NFKBID: variants seen among roughly 807,000 people sequenced by gnomAD.
NFKBID encodes NF-kappa-B inhibitor delta.
In NFKBID, 26 loss-of-function variants were observed where a neutral mutation model predicts 53.4. The observed-to-expected ratio is 0.49, with a 90% CI of 0.36 to 0.68. The LOEUF (loss-of-function observed/expected upper bound fraction) is 0.68. Among genes scored for constraint, NFKBID ranks in the 30% least tolerant of loss-of-function variants. The pLI, the probability that NFKBID is intolerant of heterozygous loss-of-function variation, is 0.00. For missense variants in NFKBID, 493 were observed against 614.1 expected (o/e 0.80, Z 2.08); for synonymous variants, 262 against 259.8 (o/e 1.01, Z -0.08).
rs1275549638 is a variant in NFKBID, at chr19:35,898,825, G to A, written c.62-3C>T. The A allele has an allele frequency of 6.5e-7, 1 of 1,535,084 alleles. No homozygotes were observed. Among genetic ancestry groups the A allele is most frequent in the South Asian group, 1.2e-5 (1 of 84,036 alleles). On this transcript the variant is annotated splice_polypyrimidine_tract_variant and splice_region_variant and intron_variant, in intron 1 of 11. Transcript: ENST00000641389. ...GTGGCTGCGCTCACCCCTGCTCACTGTGCGGGAGAGGAGAGGGGGAAGTCA... is the reference window on the plus strand; with the variant it reads ...GTGGCTGCGCTCACCCCTGCTCACTATGCGGGAGAGGAGAGGGGGAAGTCA...
chr19:35,894,300 A>C lies in NFKBID; in HGVS notation c.1032+1680T>G, dbSNP rs896768107. On this transcript the variant is annotated intron_variant, in intron 9 of 11. Transcript: ENST00000641389. ...TTTTTTGTGGATGTTTAATTCTCTC[A>C]GCCAGCCTATGAAGGAGCTACTGTC... Among the ~76,000 whole-genome samples the C allele has an allele frequency of 5.3e-5, 8 of 152,042 alleles. 2 individuals are homozygous for C. The South Asian group carries it at 1.5e-3, about 28-fold the overall frequency.
chr19:35,890,419 C>T, exon 10 of NFKBID: 1 of 1,614,036 alleles, frequency 6.2e-7, no homozygotes, highest in Non-Finnish European at 8.5e-7. Context: ...GCAGCTCCAG[C>T]AGCAGCTGAA....
At position 35,896,660 on chromosome 19, in the gene NFKBID, C is replaced by T; in HGVS notation, c.684+66G>A. 1 of 1,493,286 alleles carries T rather than the reference C, an allele frequency of 6.7e-7. No individual in the cohort carries two copies. The highest frequency in any genetic ancestry group is 1.8e-5 in the Admixed American group (1 of 56,354). The allele number at this position is 1,493,286 out of a possible 1,614,324, so 92.5% of individuals were successfully genotyped here. On this transcript the variant is annotated intron_variant, in intron 6 of 11. Coordinates refer to ENST00000641389, the Ensembl canonical transcript of NFKBID. The surrounding 1 kb of genome is among the most constrained non-coding windows in gnomAD (Gnocchi z 5.7). ...CCCCCATTCCCCTCTTCTCTAGGAT[C>T]CAGGGGTCCAGGCCCCAGGCTCCTT... is the stretch of plus-strand genomic sequence containing the variant.
At position 35,898,766 on chromosome 19, in the gene NFKBID, C is replaced by T. The variant is rs1272660333; in HGVS notation, c.118G>A (p.Glu40Lys). The change falls in exon 2 of 12, where the codon GAG becomes AAG. Residue 40 changes from glutamate (E) to lysine (K), a missense_variant. Transcript: ENST00000641389. ...TGCTGCTGCTGGCGGCGCCTCTGCT[C>T]TTCCAGAAGCTTCTTCACGGTTTGC... The T allele has an allele frequency of 5.9e-6, 9 of 1,536,012 alleles. No individual in the cohort carries two copies. In the Admixed American group the frequency reaches 1.4e-4, roughly 23 times the overall value.
At chr19:35,889,908 G>A (rs534268900) in exon 11 of NFKBID, 63 of 1,609,672 alleles carry the variant, frequency 3.9e-5, no homozygotes, top group South Asian at 3.3e-4. Context: ...GGCCCGGCCC[G>A]GGCCGCAGCA....
In NFKBID at chr19:35,896,457, C is replaced by T. The variant is rs370828093; in HGVS notation, c.766G>A (p.Ala256Thr). 1.1e-5 allele frequency: 18 copies of T among 1,614,006 alleles called. No individual in the cohort carries two copies. The highest frequency in any genetic ancestry group is 5.0e-5 in the Admixed American group (3 of 60,000). The stretch of plus-strand genomic sequence containing the variant: ...AAGACCGAACGTCCCTGATGGTCAG[C>T]GGCATTGGGCTCTGCTCCCAGGTTC... Residue 256 changes from alanine (A) to threonine (T), a missense_variant, in exon 7 of 12, where the codon GCT becomes ACT. Physicochemically the swap from Ala to Thr is moderately conservative, Grantham distance 58. Transcript: ENST00000641389. The surrounding 1 kb of genome is among the most constrained non-coding windows in gnomAD (Gnocchi z 5.7).
rs761068161 is a variant in NFKBID at position 35,897,082 on chromosome 19, A to G, written c.433-24T>C. On this transcript the variant is annotated intron_variant, in intron 4 of 11. Transcript: ENST00000641389. Reference sequence around the variant, plus strand: ...GCCTGTGGCAGAGAAGATCCTACATAGAACTGGGTGTCTGGGGGGTCCTGG... The same window carrying G: ...GCCTGTGGCAGAGAAGATCCTACATGGAACTGGGTGTCTGGGGGGTCCTGG... 1.5e-5 allele frequency: 24 copies of G among 1,588,904 alleles called. No individual in the cohort carries two copies. The South Asian group carries it at 2.6e-4, about 17-fold the overall frequency.
chr19:35,900,625 G>T lies in NFKBID; in HGVS notation c.-123C>A, dbSNP rs539716677. The T allele has an allele frequency of 1.2e-5, 15 of 1,229,502 alleles. No homozygotes were observed. The African/African-American group carries it at 2.0e-4, about 17-fold the overall frequency. The allele number at this position is 1,229,502 out of a possible 1,614,324, so 76.2% of individuals were successfully genotyped here. A position where few individuals can be genotyped will look rare whatever the true frequency, so the allele number is the denominator to read the frequency against. ...GGGCAGGGCCCGCCCACAGGCCTGG[G>T]AGTCCCCGGGTCGCGCTCCGGCGAA... On this transcript the variant is annotated 5_prime_UTR_variant, in exon 1 of 12. Transcript: ENST00000641389.
At chr19:35,893,893 T>G (rs1215667278) in intron 9 of NFKBID, among the ~76,000 whole-genome samples, 2 of 152,006 alleles carry the variant, frequency 1.3e-5, no homozygotes. Context: ...TGGTTATTGA[T>G]GTTGGACATA....
intron 4 of NFKBID, 71 bp from the exon 5 acceptor site, chr19:35,897,129 C>T (rs1421134061): frequency 6.6e-7 from 1 of 1,511,236 alleles, no homozygotes; most frequent in Admixed American, 2.3e-5. Context: ...GGTGGGGAGA[C>T]CCAGTCAGCT....
chr19:35,890,267 T>A, intron 10 of NFKBID, 107 bp downstream of exon 10: 1 of 890,208 alleles, frequency 1.1e-6, no homozygotes, highest in South Asian at 1.5e-5. Flanking sequence ...CCCCTGCAGA[T>A]CCCACACATC....
chr19:35,891,200 C>T (rs1734036638), intron 9 of NFKBID, among the ~76,000 whole-genome samples: 4 of 152,198 alleles, frequency 2.6e-5, no homozygotes. Flanking sequence ...TGCAATACTG[C>T]ACCACAATAT....
At chr19:35,900,134 T>C (rs10402798) in intron 1 of NFKBID, among the ~76,000 whole-genome samples, 137,254 of 137,256 alleles carry the variant, frequency 1, 68,626 homozygotes, top group Middle Eastern at 1. Context: ...GGAGTCTCGG[T>C]TGCCAGCAAC....
exon 12 of NFKBID, chr19:35,888,384 C>G: frequency 1.7e-6 from 1 of 588,846 alleles, no homozygotes; most frequent in South Asian, 2.0e-5. Context: ...GGTATCACAG[C>G]ACCCCAAATA....
chr19:35,890,179 G>T, intron 10 of NFKBID, 125 bp from the exon 11 acceptor site: 2 of 1,038,536 alleles, frequency 1.9e-6, no homozygotes, highest in African/African-American at 1.6e-5. Flanking sequence ...ACCTCCCCCG[G>T]CCACAGCCAC....
chr19:35,900,736 C>T, upstream of NFKBID: 3 of 923,138 alleles, frequency 3.2e-6, no homozygotes, highest in African/African-American at 1.7e-5. Flanking sequence ...CAGATCTTTG[C>T]TCTGAAGGAG....
chr19:35,898,476 C>T, exon 3 of NFKBID: 1 of 1,533,674 alleles, frequency 6.5e-7, no homozygotes, highest in Non-Finnish European at 8.7e-7. Flanking sequence ...ACTTACCAGT[C>T]ACAGCCTCAT....
chr19:35,888,293 G>A (rs1386551908), exon 12 of NFKBID: 1 of 491,980 alleles, frequency 2.0e-6, no homozygotes, highest in East Asian at 3.8e-5. Context: ...AGGACTAGGG[G>A]TGCAGGGTGT....
At position 35,896,510 on chromosome 19, in the gene NFKBID, T is replaced by C; in HGVS notation, c.713A>G (p.Asn238Ser). ...CAGATCCTCCACAATCAGGGGCTGG[T>C]TGGCAGCAGCCGCCACCAGGAGAGG... Residue 238 changes from asparagine to serine, a missense_variant, in exon 7 of 12, where the codon AAC becomes AGC. By Grantham distance (46) the Asn-to-Ser change is conservative. Around this residue, in one of 2 missense-constraint regions of NFKBID, gnomAD observed 267 missense variants for 384.6 expected, o/e 0.69. Transcript: ENST00000641389. The surrounding 1 kb of genome is among the most constrained non-coding windows in gnomAD (Gnocchi z 5.7). 5 of 1,614,064 alleles carry C rather than the reference T, an allele frequency of 3.1e-6. No homozygotes were observed. The highest frequency in any genetic ancestry group is 4.2e-6 in the Non-Finnish European group (5 of 1,179,982).
Sources: gnomAD v4.1 joint callset for allele counts (sites outside exome capture counted in the v4.1 genomes callset) on GRCh38, gnomAD v4.1.1 for gene constraint, gnomAD v4.1.1 regional missense constraint, Gnocchi (gnomAD v3.1) non-coding constraint, MANE v1.5 for transcripts, NCBI Gene and HGNC (gene_info 2026-07-23, HGNC 2026-07-21) for gene names.